SPAG16: variants seen among roughly 807,000 people sequenced by gnomAD.
The protein encoded by SPAG16 is sperm associated antigen 16.
SPAG16 carries 86 observed loss-of-function variants against 80.4 expected under a neutral mutation model. The observed-to-expected ratio is 1.07, with a 90% CI of 0.90 to 1.28. The LOEUF (loss-of-function observed/expected upper bound fraction) is 1.28, where lower values mean the gene tolerates loss of function less well. SPAG16 is among the 50% of genes most tolerant of loss of function. The pLI is 0.00. For synonymous variants in SPAG16, 294 were observed against 265.9 expected (o/e 1.11, Z -1.03); for missense variants, 870 against 765.3 (o/e 1.14, Z -1.61).
intron 14 of SPAG16, among the ~76,000 whole-genome samples, chr2:214,145,062 CATAAG>C (rs2055569619): frequency 6.6e-6 from 1 of 151,906 alleles, no homozygotes; most frequent in African/African-American, 2.4e-5. Flanking sequence ...TATACAATGC[CATAAG>C]ATATGTTTAT....
chr2:213,555,262 C>T (rs1306697070), intron 10 of SPAG16, among the ~76,000 whole-genome samples: 5 of 152,134 alleles, frequency 3.3e-5, no homozygotes, highest in Non-Finnish European at 7.4e-5. Context: ...TTTGTGTTCC[C>T]ACTCAAATCT....
At chr2:213,368,191 C>A (rs868283230) in intron 8 of SPAG16, among the ~76,000 whole-genome samples, 1 of 152,126 alleles carries the variant, frequency 6.6e-6, no homozygotes, top group African/African-American at 2.4e-5. Context: ...GTTACTGTAG[C>A]CTTGTAGTAT....
At position 214,041,988 on chromosome 2, in the gene SPAG16, A is replaced by G. The variant is rs1203145086; in HGVS notation, c.1527+27911A>G. Among the ~76,000 whole-genome samples, 582 of 120,162 alleles carry G rather than the reference A, an allele frequency of 4.8e-3. 8 individuals carry two copies. The highest frequency in any genetic ancestry group is 0.02 in the Middle Eastern group (5 of 250). 78.8% of individuals were successfully genotyped at this position (120,162 alleles called of 152,430 possible). A position where few individuals can be genotyped will look rare whatever the true frequency, so the allele number is the denominator to read the frequency against. On this transcript the variant is annotated intron_variant, in intron 13 of 15. Coordinates refer to ENST00000331683, the MANE Select transcript of SPAG16 (RefSeq NM_024532.5). ...TGTGTGTCTGTGTGTGTATATATAT[A>G]TATATATATATATATATATACACAC...
intron 11 of SPAG16, among the ~76,000 whole-genome samples, chr2:213,906,711 A>G (rs1311761357): frequency 6.6e-6 from 1 of 152,184 alleles, no homozygotes; most frequent in Non-Finnish European, 1.5e-5. Flanking sequence ...AAATTAATCC[A>G]CATATTTACA....
intron 15 of SPAG16, among the ~76,000 whole-genome samples, chr2:214,375,756 A>G (rs1700086646): frequency 6.6e-6 from 1 of 152,208 alleles, no homozygotes; most frequent in African/African-American, 2.4e-5. Context: ...ATATGGCATC[A>G]TACCCACTGT....
chr2:213,371,916 C>T (rs1332982029), intron 8 of SPAG16, among the ~76,000 whole-genome samples: 1 of 152,074 alleles, frequency 6.6e-6, no homozygotes, highest in East Asian at 1.9e-4. Context: ...CTAATCTGAT[C>T]TGAAAAGAGT....
chr2:213,941,982 C>T (rs1465747096), intron 12 of SPAG16, among the ~76,000 whole-genome samples: 1 of 152,156 alleles, frequency 6.6e-6, no homozygotes, highest in African/African-American at 2.4e-5. Context: ...ATATTCTAAT[C>T]ACTCACTGCA....
intron 15 of SPAG16, among the ~76,000 whole-genome samples, chr2:214,319,073 T>A (rs1297236674): frequency 6.6e-6 from 1 of 152,144 alleles, no homozygotes; most frequent in Non-Finnish European, 1.5e-5. Context: ...GAAAATGTGA[T>A]CAGGCTGAGA....
intron 15 of SPAG16, among the ~76,000 whole-genome samples, chr2:214,341,806 C>G (rs1452542759): frequency 6.6e-6 from 1 of 152,128 alleles, no homozygotes; most frequent in African/African-American, 2.4e-5. Context: ...AGAACTTCCT[C>G]TTAATTAAAC....
intron 11 of SPAG16, among the ~76,000 whole-genome samples, chr2:213,887,339 G>C (rs116817297): frequency 6.0e-5 from 9 of 151,170 alleles, no homozygotes; most frequent in African/African-American, 2.2e-4. Flanking sequence ...TTGTTTTTTC[G>C]TTTTGTTTTG....
intron 12 of SPAG16, among the ~76,000 whole-genome samples, chr2:213,968,352 C>G (rs1037322298): frequency 6.6e-6 from 1 of 152,022 alleles, no homozygotes; most frequent in African/African-American, 2.4e-5. Flanking sequence ...GCCACCACAC[C>G]TGCCACCACA....
chr2:213,884,435 T>A (rs1170228481), intron 11 of SPAG16, among the ~76,000 whole-genome samples: 1 of 152,194 alleles, frequency 6.6e-6, no homozygotes, highest in Non-Finnish European at 1.5e-5. Context: ...AAGATGTTTT[T>A]CTTTTTCATT....
intron 11 of SPAG16, among the ~76,000 whole-genome samples, chr2:213,895,687 G>T (rs573899691): frequency 2.0e-5 from 3 of 152,180 alleles, no homozygotes; most frequent in African/African-American, 7.2e-5. Flanking sequence ...TCACTCATGT[G>T]GAAGCTATAT....
intron 15 of SPAG16, among the ~76,000 whole-genome samples, chr2:214,315,501 TTTTATTTATTTATTTATTTATTTA>T (rs145465479): frequency 2.8e-5 from 4 of 144,186 alleles, no homozygotes; most frequent in South Asian, 4.5e-4. Context: ...GCCCCATCTT[TTTTATTTATTTATTTATTTATTTA>T]TTTATTTATT....
intron 15 of SPAG16, among the ~76,000 whole-genome samples, chr2:214,401,158 G>T (rs1701684414): frequency 6.6e-6 from 1 of 151,894 alleles, no homozygotes; most frequent in Non-Finnish European, 1.5e-5. Flanking sequence ...CCCTGGTTGA[G>T]CCATTAATGC....
intron 15 of SPAG16, among the ~76,000 whole-genome samples, chr2:214,331,672 C>G (rs1463438885): frequency 6.6e-6 from 1 of 152,186 alleles, no homozygotes; most frequent in East Asian, 1.9e-4. Flanking sequence ...GCAAAATATT[C>G]TCTCTAATCT....
At chr2:213,461,353 T>A (rs900608303) in intron 9 of SPAG16, among the ~76,000 whole-genome samples, 1 of 152,210 alleles carries the variant, frequency 6.6e-6, no homozygotes, top group African/African-American at 2.4e-5. Context: ...GAGTTATCCC[T>A]ATGGATGATC....
chr2:214,024,181 A>G (rs2048023889), intron 13 of SPAG16, among the ~76,000 whole-genome samples: 1 of 151,632 alleles, frequency 6.6e-6, no homozygotes, highest in African/African-American at 2.4e-5. Context: ...CTGATTTGGA[A>G]TGAATTCTAG....
intron 6 of SPAG16, among the ~76,000 whole-genome samples, chr2:213,347,933 G>T (rs900274863): frequency 4.6e-5 from 7 of 152,022 alleles, no homozygotes; most frequent in African/African-American, 1.4e-4. Flanking sequence ...TCAATTCCTG[G>T]ATATCCTTGT....
Sources: allele counts gnomAD v4.1 joint callset (sites outside exome capture counted in the v4.1 genomes callset), GRCh38; gene constraint gnomAD v4.1.1; transcripts MANE v1.5; gene names NCBI Gene and HGNC (gene_info 2026-07-23, HGNC 2026-07-21).